Variants in TAPT1 observed in about 807,000 individuals in gnomAD.
TAPT1 encodes the protein transmembrane anterior posterior transformation protein 1 homolog.
TAPT1 carries 28 observed loss-of-function variants against 65.6 expected under a neutral mutation model. That is an observed-to-expected ratio of 0.43 (90% confidence interval 0.32 to 0.59). TAPT1 has a LOEUF of 0.59. Among genes scored for constraint, TAPT1 ranks in the 20% least tolerant of loss-of-function variants. TAPT1 has a pLI of 0.09. For synonymous variants in TAPT1, 278 were observed against 245.2 expected (o/e 1.13, Z -1.25); for missense variants, 563 against 679.9 (o/e 0.83, Z 1.91).
intron 3 of TAPT1, among the ~76,000 whole-genome samples, chr4:16,194,669 T>C (rs886122239): frequency 7.2e-5 from 11 of 152,154 alleles, no homozygotes; most frequent in Non-Finnish European, 1.5e-4. Context: ...TGGACTATTA[T>C]GATATATATA....
intron 12 of TAPT1, among the ~76,000 whole-genome samples, chr4:16,168,269 C>G (rs189281463): frequency 2.0e-5 from 3 of 152,098 alleles, no homozygotes; most frequent in Non-Finnish European, 4.4e-5. Context: ...TATGCCACCA[C>G]GCCCAGCTAA....
intron 2 of TAPT1, among the ~76,000 whole-genome samples, chr4:16,203,166 A>T (rs989763815): frequency 6.6e-6 from 1 of 152,086 alleles, no homozygotes; most frequent in African/African-American, 2.4e-5. Flanking sequence ...TAAGTTTAGG[A>T]CTATATTTCA....
At chr4:16,202,667 C>A in intron 2 of TAPT1, 87 bp from the exon 3 acceptor site, 1 of 699,916 alleles carries the variant, frequency 1.4e-6, no homozygotes, top group Non-Finnish European at 2.3e-6. Context: ...AATTTCTAAA[C>A]ATTATAAAAA....
At chr4:16,220,419 T>C (rs191891067) in intron 1 of TAPT1, among the ~76,000 whole-genome samples, 20 of 152,354 alleles carry the variant, frequency 1.3e-4, no homozygotes, top group African/African-American at 4.6e-4. Context: ...GATTTCAGTT[T>C]TTAAGATGTC....
intron 1 of TAPT1, among the ~76,000 whole-genome samples, chr4:16,218,125 G>A (rs539742220): frequency 5.8e-4 from 89 of 152,312 alleles, no homozygotes; most frequent in Non-Finnish European, 5.4e-4. Context: ...ATTTGGGGCC[G>A]GGCATAGTGG....
chr4:16,192,430 T>C (rs543767800), intron 3 of TAPT1, among the ~76,000 whole-genome samples: 1 of 152,372 alleles, frequency 6.6e-6, no homozygotes, highest in East Asian at 1.9e-4. Flanking sequence ...TACTGGTTTA[T>C]AGGACAGCTT....
chr4:16,227,216 A>G (rs753193977), upstream of TAPT1: 12 of 455,312 alleles, frequency 2.6e-5, no homozygotes, highest in Middle Eastern at 4.1e-4. Flanking sequence ...CCGGACCGGC[A>G]GAGTTTCAAG....
intron 4 of TAPT1, chr4:16,190,369 C>T (rs1749295755): frequency 6.6e-6 from 1 of 151,864 alleles, no homozygotes. Context: ...GATGGAGTCT[C>T]GCTGTGTTAC....
chr4:16,186,554 G>C lies in TAPT1; in HGVS notation c.897C>G (p.Leu299=). 1.3e-6 allele frequency: 2 copies of C among 1,533,650 alleles called. No individual in the cohort carries two copies. Among genetic ancestry groups the C allele is most frequent in the Non-Finnish European group, 1.8e-6 (2 of 1,130,040 alleles). ...SVFKKFEKNN[L]FQMSNSDIKE... is the part of the protein sequence containing the mutation. Reference sequence around the variant, plus strand: ...ACATACCGCTATTTGACATTTGAAAGAGATTGTTCTTTTCAAACTTCTTGA... The same window carrying C: ...ACATACCGCTATTTGACATTTGAAACAGATTGTTCTTTTCAAACTTCTTGA... The change falls in exon 7 of 14, where the codon CTC becomes CTG. Residue 299 remains leucine (L), a synonymous_variant. Transcript: ENST00000405303.
chr4:16,226,802 G>T, upstream of TAPT1: 1 of 158,826 alleles, frequency 6.3e-6, no homozygotes, highest in South Asian at 1.8e-4. Context: ...TCGAGTCGGG[G>T]ACCCGGCAGG....
chr4:16,196,901 A>C (rs1749739223), intron 3 of TAPT1, among the ~76,000 whole-genome samples: 1 of 152,230 alleles, frequency 6.6e-6, no homozygotes, highest in African/African-American at 2.4e-5. Flanking sequence ...AGTAAAAGGC[A>C]TATTTGTTTC....
At chr4:16,203,737 A>G (rs1750177850) in intron 2 of TAPT1, among the ~76,000 whole-genome samples, 1 of 152,216 alleles carries the variant, frequency 6.6e-6, no homozygotes, top group Non-Finnish European at 1.5e-5. Flanking sequence ...CTGCAAGATA[A>G]TAAATGTCTG....
At chr4:16,205,574 A>G (rs146116902) in intron 2 of TAPT1, among the ~76,000 whole-genome samples, 107 of 152,234 alleles carry the variant, frequency 7.0e-4, no homozygotes, top group African/African-American at 2.4e-3. Context: ...ACAGGTGAAG[A>G]GCCTGGGTCT....
intron 2 of TAPT1, among the ~76,000 whole-genome samples, chr4:16,212,614 A>G (rs1750710354): frequency 6.6e-6 from 1 of 152,164 alleles, no homozygotes; most frequent in African/African-American, 2.4e-5. Flanking sequence ...CTTATCTGTA[A>G]GTCCCTCAGG....
Position 16,162,503 on chromosome 4 carries a change from T to C in TAPT1, c.*805A>G, listed in dbSNP as rs765085219. The C allele has an allele frequency of 3.9e-5, 6 of 152,852 alleles. No individual in the cohort carries two copies. The highest frequency in any genetic ancestry group is 8.8e-5 in the Non-Finnish European group (6 of 68,234). 9.5% of individuals were successfully genotyped at this position (152,852 alleles called of 1,614,324 possible). On this transcript the variant is annotated 3_prime_UTR_variant, in exon 14 of 14. Transcript: ENST00000405303. ...TAATTAGTTTTAAAGCAAAATCAGTTAAGTATACCTTAAAGTTAACACTGC... is the reference window on the plus strand; with the variant it reads ...TAATTAGTTTTAAAGCAAAATCAGTCAAGTATACCTTAAAGTTAACACTGC...
intron 1 of TAPT1, chr4:16,214,291 C>T (rs968458360): frequency 1.1e-4 from 17 of 153,068 alleles, no homozygotes; most frequent in African/African-American, 1.2e-4. Flanking sequence ...AGTCACACAA[C>T]GGGCACCACT....
chr4:16,167,041 C>CAGTGGCACACACTCTGTCACCCAGGT (rs1560148872), intron 12 of TAPT1, among the ~76,000 whole-genome samples: 1 of 142,804 alleles, frequency 7.0e-6, no homozygotes, highest in Non-Finnish European at 1.5e-5. Flanking sequence ...GTCACCCAGG[C>CAGTGGCACACACTCTGTCACCCAGGT]TGGAGTGCAG....
intron 3 of TAPT1, among the ~76,000 whole-genome samples, chr4:16,194,277 C>G (rs375411422): frequency 6.6e-6 from 1 of 152,232 alleles, no homozygotes; most frequent in African/African-American, 2.4e-5. Flanking sequence ...AAGCACTGTT[C>G]TAGACACTCC....
At chr4:16,217,044 A>G (rs1750979925) in intron 1 of TAPT1, among the ~76,000 whole-genome samples, 1 of 152,138 alleles carries the variant, frequency 6.6e-6, no homozygotes, top group Non-Finnish European at 1.5e-5. Flanking sequence ...AAACACGTCA[A>G]TGGGTTCACA....
Sources: gnomAD v4.1 joint callset for allele counts (sites outside exome capture counted in the v4.1 genomes callset) on GRCh38, gnomAD v4.1.1 for gene constraint, MANE v1.5 for transcripts, NCBI Gene and HGNC (gene_info 2026-07-23, HGNC 2026-07-21) for gene names.